Variants in TM9SF3 observed in about 807,000 individuals in gnomAD.
The protein encoded by TM9SF3 is SM-11044-binding protein.
Under a neutral mutation model 78.6 loss-of-function variants are expected in TM9SF3, and 14 were observed. That is an observed-to-expected ratio of 0.18 (90% CI 0.12 to 0.28). The LOEUF is 0.28. TM9SF3 is among the 10% of genes least tolerant of loss of function. The pLI is 1.00. For synonymous variants in TM9SF3, 231 were observed against 241.7 expected, an observed-to-expected ratio of 0.96 and a Z score of 0.41; for missense variants, 496 against 721.9, an observed-to-expected ratio of 0.69 and a Z score of 3.59.
rs57086880 is a variant in TM9SF3, at chr10:96,544,057, T to C, written c.1185+19A>G. 2.2e-3 allele frequency: 3,480 copies of C among 1,573,824 alleles called. 62 individuals are homozygous for C. In the African/African-American group the frequency reaches 0.038, roughly 17 times the overall value. ...TGTGTATACTTTTTCAGTTTAAAAG[T>C]AAGATTCAAGCAACTCACCATTGTT... On this transcript the variant is annotated intron_variant, in intron 9 of 14. Coordinates refer to ENST00000371142, the MANE Select transcript of TM9SF3 (RefSeq NM_020123.4).
chr10:96,559,743 A>T lies in TM9SF3; in HGVS notation c.583-7T>A. On this transcript the variant is annotated splice_region_variant and splice_polypyrimidine_tract_variant and intron_variant, in intron 4 of 14. Transcript: ENST00000371142. ...CTGACTTTTTCCATTTTACCTAAAA[A>T]AAATTTTTTCATTTGAAAATAAAGG... 6.5e-7 allele frequency: 1 copy of T among 1,547,004 alleles called. No individual in the cohort carries two copies. Among genetic ancestry groups the T allele is most frequent in the Non-Finnish European group, 8.8e-7 (1 of 1,141,014 alleles).
chr10:96,551,912 A>G (rs1848175540), intron 6 of TM9SF3, among the ~76,000 whole-genome samples: 1 of 149,286 alleles, frequency 6.7e-6, no homozygotes, highest in African/African-American at 2.5e-5. Context: ...TTTATTTAAC[A>G]GTCTATATGC....
intron 5 of TM9SF3, among the ~76,000 whole-genome samples, chr10:96,555,275 T>C (rs1330479798): frequency 6.6e-6 from 1 of 152,182 alleles, no homozygotes; most frequent in Non-Finnish European, 1.5e-5. Context: ...CTTATCCCTC[T>C]TCAAGAATCC....
rs1412397099 is a variant in TM9SF3 at position 96,586,880 on chromosome 10, CCCGCCGCCGCCTCCTCCG to C, written c.-63_-46del. 6.6e-5 allele frequency: 63 copies of C among 952,530 alleles called. No homozygotes were observed. The highest frequency in any genetic ancestry group is 4.8e-4 in the Middle Eastern group (1 of 2,104). 59.0% of individuals were successfully genotyped at this position (952,530 alleles called of 1,614,324 possible). A position where few individuals can be genotyped will look rare whatever the true frequency, so the allele number is the denominator to read the frequency against. ...CGGAGCCGGCTCACCGACTCCTCCT[CCCGCCGCCGCCTCCTCCG>C]CCGCCGCCGCCTCCGCCGCGGCCGA... On this transcript the variant is annotated 5_prime_UTR_variant, in exon 1 of 15. Coordinates refer to ENST00000371142, the MANE Select transcript of TM9SF3 (RefSeq NM_020123.4).
chr10:96,539,120 A>G (rs1458424347), intron 9 of TM9SF3, among the ~76,000 whole-genome samples: 20 of 152,248 alleles, frequency 1.3e-4, no homozygotes, highest in Non-Finnish European at 1.5e-5. Context: ...TGGATAAATT[A>G]TGGTATAACC....
intron 7 of TM9SF3, among the ~76,000 whole-genome samples, chr10:96,549,690 A>G (rs1190217463): frequency 6.6e-6 from 1 of 152,158 alleles, no homozygotes; most frequent in African/African-American, 2.4e-5. Flanking sequence ...CACAACACAG[A>G]AAAACCACTT....
intron 8 of TM9SF3, 55 bp from the exon 9 acceptor site, chr10:96,544,261 T>G: frequency 7.1e-7 from 1 of 1,411,274 alleles, no homozygotes; most frequent in Non-Finnish European, 9.4e-7. Context: ...ACGAAATTAT[T>G]TGTTTGAAAT....
At chr10:96,551,144 G>A (rs1848164523) in intron 7 of TM9SF3, 101 bp downstream of exon 7, 1 of 975,904 alleles carries the variant, frequency 1.0e-6, no homozygotes, top group African/African-American at 1.7e-5. Flanking sequence ...TAAGATAAAG[G>A]AAATAAGTAA....
chr10:96,580,441 AT>A (rs879619463), intron 1 of TM9SF3, among the ~76,000 whole-genome samples: 42 of 151,842 alleles, frequency 2.8e-4, no homozygotes, highest in Non-Finnish European at 4.4e-4. Flanking sequence ...AATTTTTTGT[AT>A]TTTTTAGTAG....
chr10:96,581,524 CTT>C (rs1374575158), intron 1 of TM9SF3, among the ~76,000 whole-genome samples: 1 of 152,166 alleles, frequency 6.6e-6, no homozygotes, highest in East Asian at 1.9e-4. Flanking sequence ...TGAATAGTCT[CTT>C]GAGATAACTA....
At chr10:96,567,152 T>C (rs1210188309) in intron 2 of TM9SF3, among the ~76,000 whole-genome samples, 1 of 144,628 alleles carries the variant, frequency 6.9e-6, no homozygotes, top group Non-Finnish European at 1.5e-5. Context: ...TGGTGAGATC[T>C]CGGCTCACTG....
chr10:96,530,823 G>T (rs1467108523), intron 10 of TM9SF3, among the ~76,000 whole-genome samples: 1 of 152,194 alleles, frequency 6.6e-6, no homozygotes, highest in Non-Finnish European at 1.5e-5. Context: ...CTGCATTAAA[G>T]ACTGAGACAA....
rs1848637386 is a variant in TM9SF3 at position 96,586,791 on chromosome 10, C to T, written c.45G>A (p.Ala15=). 1 of 1,281,510 alleles carries T rather than the reference C, an allele frequency of 7.8e-7. No homozygotes were observed. Among genetic ancestry groups the T allele is most frequent in the African/African-American group, 1.5e-5 (1 of 64,812 alleles). The allele number at this position is 1,281,510 out of a possible 1,614,324, so 79.4% of individuals were successfully genotyped here. A position where few individuals can be genotyped will look rare whatever the true frequency, so the allele number is the denominator to read the frequency against. ...GCAGCAGCAGCAGCAGCAGCCACAG[C>T]GCGGCGGCCGCCGCCACGCCAAGAG... is the stretch of plus-strand genomic sequence containing the variant. ...PGALGVAAAA[A]LWLLLLLLPR... is the part of the protein sequence containing the mutation. The change falls in exon 1 of 15, where the codon GCG becomes GCA. Residue 15 remains alanine (A), a synonymous_variant. Transcript: ENST00000371142.
intron 9 of TM9SF3, among the ~76,000 whole-genome samples, chr10:96,542,795 A>C (rs928332949): frequency 2.6e-5 from 4 of 152,078 alleles, no homozygotes; most frequent in Admixed American, 1.3e-4. Context: ...AAAAAAAAAA[A>C]TTTCCATTCT....
chr10:96,579,112 T>C (rs1183242676), intron 1 of TM9SF3, among the ~76,000 whole-genome samples: 1 of 152,198 alleles, frequency 6.6e-6, no homozygotes, highest in Non-Finnish European at 1.5e-5. Context: ...CAAATAGATA[T>C]TTAATAAATA....
At chr10:96,568,337 A>G (rs760755166) in intron 2 of TM9SF3, among the ~76,000 whole-genome samples, 3 of 152,388 alleles carry the variant, frequency 2.0e-5, no homozygotes, top group African/African-American at 7.2e-5. Context: ...ATAATAGGCT[A>G]TATCTTTCGA....
chr10:96,571,975 A>G (rs1165150694), intron 2 of TM9SF3, among the ~76,000 whole-genome samples: 2 of 152,232 alleles, frequency 1.3e-5, no homozygotes, highest in Non-Finnish European at 2.9e-5. Context: ...AGTAGGCACA[A>G]ACCGTCTGGA....
intron 7 of TM9SF3, among the ~76,000 whole-genome samples, chr10:96,548,205 T>C (rs935495024): frequency 6.6e-6 from 1 of 152,216 alleles, no homozygotes; most frequent in Non-Finnish European, 1.5e-5. Flanking sequence ...ATCCTAATTT[T>C]TTTATCCTGC....
At position 96,586,765 on chromosome 10, in the gene TM9SF3, GGCAGCA is replaced by G. The variant is rs751439116; in HGVS notation, c.65_70del (p.Leu22_Leu23del). Reference sequence around the variant, plus strand: ...TTCGTGCTCGTCCGCCCGGGTCCGGGGCAGCAGCAGCAGCAGCAGCCACAGCGCGGC... The same window carrying G: ...TTCGTGCTCGTCCGCCCGGGTCCGGGGCAGCAGCAGCAGCCACAGCGCGGC... On this transcript the variant is annotated inframe_deletion, in exon 1 of 15. Coordinates refer to ENST00000371142, the MANE Select transcript of TM9SF3 (RefSeq NM_020123.4). 14 of 1,286,602 alleles carry G rather than the reference GGCAGCA, an allele frequency of 1.1e-5. No homozygotes were observed. Among genetic ancestry groups the G allele is most frequent in the South Asian group, 7.5e-5 (3 of 39,832 alleles). The allele number at this position is 1,286,602 out of a possible 1,614,324, so 79.7% of individuals were successfully genotyped here.
Sources: allele counts gnomAD v4.1 joint callset (sites outside exome capture counted in the v4.1 genomes callset), GRCh38; gene constraint gnomAD v4.1.1; transcripts MANE v1.5; gene names NCBI Gene and HGNC (gene_info 2026-07-23, HGNC 2026-07-21).